MSRB3: variants seen among roughly 807,000 people sequenced by gnomAD.
The protein encoded by MSRB3 is methionine-R-sulfoxide reductase B3.
MSRB3 carries 13 observed loss-of-function variants against 21.0 expected under a neutral mutation model. The observed-to-expected ratio is 0.62, with a 90% CI of 0.40 to 0.98. The LOEUF is 0.98. MSRB3 is among the 50% of genes least tolerant of loss of function. The pLI, the probability that MSRB3 is intolerant of heterozygous loss-of-function variation, is 0.00. For synonymous variants in MSRB3, 87 were observed against 88.6 expected (o/e 0.98, Z 0.10); for missense variants, 199 against 230.3 (o/e 0.86, Z 0.88).
At chr12:65,344,245 C>T (rs1336975433) in intron 4 of MSRB3, 1 of 151,914 alleles carries the variant, frequency 6.6e-6, no homozygotes, top group Non-Finnish European at 1.5e-5. Context: ...GGTAAGTACT[C>T]CTTTAAAATT....
chr12:65,333,464 G>A (rs1408101583), intron 4 of MSRB3, among the ~76,000 whole-genome samples: 1 of 152,084 alleles, frequency 6.6e-6, no homozygotes, highest in African/African-American at 2.4e-5. Context: ...TATGAGAAGA[G>A]GAATCAGAGA....
chr12:65,418,635 C>T, intron 5 of MSRB3: 1 of 608,566 alleles, frequency 1.6e-6, no homozygotes, highest in Non-Finnish European at 2.9e-6. Flanking sequence ...ATTTTTACAT[C>T]TCTAATCCAT....
chr12:65,407,772 G>T (rs1304829373), intron 5 of MSRB3, among the ~76,000 whole-genome samples: 1 of 151,816 alleles, frequency 6.6e-6, no homozygotes, highest in Non-Finnish European at 1.5e-5. Context: ...TATTGTTTTG[G>T]AGGTTTCTAT....
chr12:65,372,477 A>C (rs899687569), intron 5 of MSRB3, among the ~76,000 whole-genome samples: 1 of 152,214 alleles, frequency 6.6e-6, no homozygotes, highest in Non-Finnish European at 1.5e-5. Context: ...TCTTTTTAAA[A>C]GGAGTTTTAA....
intron 5 of MSRB3, among the ~76,000 whole-genome samples, chr12:65,436,150 A>G (rs1358955769): frequency 2.6e-5 from 4 of 151,850 alleles, no homozygotes; most frequent in Non-Finnish European, 5.9e-5. Context: ...TTCGATGGGA[A>G]AAAAATCCGT....
At chr12:65,449,423 A>G (rs1295171503) in intron 5 of MSRB3, among the ~76,000 whole-genome samples, 3 of 152,156 alleles carry the variant, frequency 2.0e-5, no homozygotes, top group Non-Finnish European at 4.4e-5. Flanking sequence ...CAGTGAGGTT[A>G]GCAGATTCCA....
intron 4 of MSRB3, among the ~76,000 whole-genome samples, chr12:65,347,764 G>C (rs566229015): frequency 6.6e-6 from 1 of 152,016 alleles, no homozygotes; most frequent in Non-Finnish European, 1.5e-5. Flanking sequence ...TGTCCCATCA[G>C]TACCTAATTT....
chr12:65,457,737 T>G (rs1294223773), intron 6 of MSRB3, among the ~76,000 whole-genome samples: 1 of 148,540 alleles, frequency 6.7e-6, no homozygotes, highest in Non-Finnish European at 1.5e-5. Context: ...ACAAAGAAAT[T>G]AAACAAATTT....
At chr12:65,380,078 G>T (rs1217325780) in intron 5 of MSRB3, among the ~76,000 whole-genome samples, 1 of 152,176 alleles carries the variant, frequency 6.6e-6, no homozygotes, top group Non-Finnish European at 1.5e-5. Context: ...GAATTTAGAA[G>T]ACATGAATTA....
chr12:65,325,996 T>A (rs1270380575), intron 2 of MSRB3, among the ~76,000 whole-genome samples: 2 of 152,226 alleles, frequency 1.3e-5, no homozygotes, highest in African/African-American at 2.4e-5. Context: ...ATTTCACCAT[T>A]CAAATACAGT....
chr12:65,460,736 C>CT (rs869050828), intron 6 of MSRB3, among the ~76,000 whole-genome samples: 1,339 of 132,926 alleles, frequency 0.01, 15 homozygotes, highest in East Asian at 0.029. Flanking sequence ...CTCTTCCTCA[C>CT]TTTTTTTTTT....
chr12:65,396,695 AAAAAAAAAAAAAGAAAG>A (rs762541397), intron 5 of MSRB3, among the ~76,000 whole-genome samples: 3,069 of 66,080 alleles, frequency 0.046, 72 homozygotes, highest in Non-Finnish European at 0.055. Flanking sequence ...CCATCTCAAA[AAAAAAAAAAAAAGAAAG>A]AAAGAAAGAA....
chr12:65,371,179 T>C lies in MSRB3; in HGVS notation c.292+2153T>C, dbSNP rs189459893. On this transcript the variant is annotated intron_variant, in intron 5 of 6. Transcript: ENST00000308259. ...CATCTCTACTAAAAATACAAAATAA[T>C]TAGCTGGGCGTGGTGGCACATGCCT... Among the ~76,000 whole-genome samples, 557 of 152,020 alleles carry C rather than the reference T, an allele frequency of 3.7e-3. 1 individual carries two copies. The highest frequency in any genetic ancestry group is 0.012 in the African/African-American group (514 of 41,476).
At chr12:65,380,439 G>A (rs1162153870) in intron 5 of MSRB3, among the ~76,000 whole-genome samples, 1 of 152,044 alleles carries the variant, frequency 6.6e-6, no homozygotes, top group Admixed American at 6.6e-5. Flanking sequence ...AACCAGGTGT[G>A]GTGGTGCACC....
At chr12:65,438,904 G>A (rs191191797) in intron 5 of MSRB3, among the ~76,000 whole-genome samples, 39 of 151,892 alleles carry the variant, frequency 2.6e-4, no homozygotes, top group African/African-American at 7.7e-4. Context: ...CAGAAAAAGG[G>A]GGACAAGCAC....
rs143452257 is a variant in MSRB3, at chr12:65,390,694, G to A, written c.292+21668G>A. On this transcript the variant is annotated intron_variant, in intron 5 of 6. Coordinates refer to ENST00000308259, the MANE Select transcript of MSRB3 (RefSeq NM_001031679.3). The stretch of plus-strand genomic sequence containing the variant: ...GAATGTTCATAGAACATTATTTATT[G>A]TGGCAAAAAAACCCTTAACAGCCTA... 3.4e-3 allele frequency among the ~76,000 whole-genome samples: 516 copies of A among 152,170 alleles called. 1 individual carries two copies. Among genetic ancestry groups the A allele is most frequent in the African/African-American group, 0.011 (477 of 41,532 alleles).
At chr12:65,376,355 G>A (rs1878622462) in intron 5 of MSRB3, among the ~76,000 whole-genome samples, 1 of 152,004 alleles carries the variant, frequency 6.6e-6, no homozygotes, top group South Asian at 2.1e-4. Flanking sequence ...TCCTGACCTC[G>A]TGATCCGCCC....
intron 6 of MSRB3, 143 bp from the exon 7 acceptor site, chr12:65,463,012 T>G: frequency 9.8e-7 from 1 of 1,017,348 alleles, no homozygotes; most frequent in East Asian, 2.4e-5. Flanking sequence ...TTTGCGGCTA[T>G]TGACAGGCGG....
intron 5 of MSRB3, among the ~76,000 whole-genome samples, chr12:65,396,666 G>T (rs1879798951): frequency 7.0e-6 from 1 of 142,950 alleles, no homozygotes; most frequent in Non-Finnish European, 1.5e-5. Flanking sequence ...ACTCCAGCCT[G>T]GGTGACAAGA....
Sources: allele counts gnomAD v4.1 joint callset (sites outside exome capture counted in the v4.1 genomes callset), GRCh38; gene constraint gnomAD v4.1.1; transcripts MANE v1.5; gene names NCBI Gene and HGNC (gene_info 2026-07-23, HGNC 2026-07-21).